Variants in NAV2 observed in about 807,000 individuals in gnomAD.
The protein encoded by NAV2 is helicase, APC down-regulated 1.
NAV2 carries 54 observed loss-of-function variants against 223.2 expected under a neutral mutation model. The observed-to-expected ratio is 0.24, with a 90% CI of 0.19 to 0.30. The LOEUF is 0.30. NAV2 is among the 10% of genes least tolerant of loss of function. NAV2 has a pLI of 1.00. For missense variants in NAV2, 2,806 were observed against 3,147.5 expected, an observed-to-expected ratio of 0.89 and a Z score of 2.60; for synonymous variants, 1,279 against 1,239.3, an observed-to-expected ratio of 1.03 and a Z score of -0.67.
intron 1 of NAV2, among the ~76,000 whole-genome samples, chr11:19,361,782 T>G (rs574671161): frequency 3.9e-5 from 6 of 152,314 alleles, no homozygotes; most frequent in Admixed American, 1.3e-4. Context: ...GCCCTTTGCC[T>G]ACGGTAATTG....
chr11:19,481,749 CA>C (rs1156448112), intron 1 of NAV2, among the ~76,000 whole-genome samples: 2 of 152,166 alleles, frequency 1.3e-5, no homozygotes, highest in Non-Finnish European at 1.5e-5. Context: ...TTGAGATACA[CA>C]AAAAATATAC....
intron 7 of NAV2, among the ~76,000 whole-genome samples, chr11:19,936,352 G>A (rs779897406): frequency 1.3e-5 from 2 of 151,692 alleles, no homozygotes; most frequent in African/African-American, 2.4e-5. Context: ...TTTTTTTGTT[G>A]TTCGCTATAA....
chr11:19,400,931 C>G (rs1849658263), intron 1 of NAV2, among the ~76,000 whole-genome samples: 1 of 144,242 alleles, frequency 6.9e-6, no homozygotes, highest in Admixed American at 7.0e-5. Context: ...TAGGGGTGAG[C>G]CGGGAGTCTT....
At chr11:19,590,580 G>GTTT (rs2046031740) in intron 1 of NAV2, among the ~76,000 whole-genome samples, 1 of 152,078 alleles carries the variant, frequency 6.6e-6, no homozygotes, top group African/African-American at 2.4e-5. Context: ...TTTATATCTG[G>GTTT]AAAAGCTGTC....
chr11:19,950,499 C>A (rs771124994), intron 10 of NAV2, among the ~76,000 whole-genome samples: 1 of 152,250 alleles, frequency 6.6e-6, no homozygotes, highest in Admixed American at 6.5e-5. Context: ...TGAAATACTA[C>A]AACTACTAGA....
intron 6 of NAV2, among the ~76,000 whole-genome samples, chr11:19,914,781 T>C (rs1164250681): frequency 6.6e-6 from 1 of 151,768 alleles, no homozygotes; most frequent in Non-Finnish European, 1.5e-5. Flanking sequence ...CCTGACCTCA[T>C]GATCCACCCG....
intron 1 of NAV2, among the ~76,000 whole-genome samples, chr11:19,723,755 C>A (rs1057413027): frequency 3.3e-5 from 5 of 152,254 alleles, no homozygotes; most frequent in Non-Finnish European, 5.9e-5. Context: ...GCCGGCCCAG[C>A]AGGGTCCATG....
intron 1 of NAV2, among the ~76,000 whole-genome samples, chr11:19,656,362 G>T (rs1483091048): frequency 6.6e-6 from 1 of 152,164 alleles, no homozygotes; most frequent in African/African-American, 2.4e-5. Flanking sequence ...CATTCATCTG[G>T]CAGAAGGGCC....
At position 19,731,479 on chromosome 11, in the gene NAV2, T is replaced by A. The variant is rs1447890131; in HGVS notation, c.267+17517T>A. Reference sequence around the variant, plus strand: ...GCTCTCAAAAGAGCTTACAGGCTAGTAGGGGAGAGAGGCATTTGAACAAAA... The same window carrying A: ...GCTCTCAAAAGAGCTTACAGGCTAGAAGGGGAGAGAGGCATTTGAACAAAA... On this transcript the variant is annotated intron_variant, in intron 1 of 37. Coordinates refer to ENST00000349880, the MANE Select transcript of NAV2 (RefSeq NM_145117.5). Among the ~76,000 whole-genome samples, 3 of 152,326 alleles carry A rather than the reference T, an allele frequency of 2.0e-5. No individual in the cohort carries two copies. The East Asian group carries it at 5.8e-4, about 29-fold the overall frequency.
chr11:20,107,038 C>G (rs986221039), intron 35 of NAV2, among the ~76,000 whole-genome samples: 1 of 124,950 alleles, frequency 8.0e-6, no homozygotes, highest in African/African-American at 3.2e-5. Context: ...TTCTTTTGGA[C>G]TTGCAGTCAT....
intron 1 of NAV2, among the ~76,000 whole-genome samples, chr11:19,563,084 T>C (rs2045154303): frequency 6.6e-6 from 1 of 152,224 alleles, no homozygotes; most frequent in Non-Finnish European, 1.5e-5. Flanking sequence ...TCAGTTTGAT[T>C]GCTATGAGAG....
intron 1 of NAV2, among the ~76,000 whole-genome samples, chr11:19,571,599 G>A (rs187433011): frequency 6.8e-4 from 104 of 152,186 alleles, no homozygotes; most frequent in Middle Eastern, 3.4e-3. Flanking sequence ...CCAGCTACTC[G>A]GGAGGCTGAG....
intron 1 of NAV2, among the ~76,000 whole-genome samples, chr11:19,736,831 G>T (rs2052348232): frequency 6.6e-6 from 1 of 152,166 alleles, no homozygotes; most frequent in South Asian, 2.1e-4. Flanking sequence ...TTAGTGGTGG[G>T]GTCTTCCTTT....
chr11:20,072,118 G>C (rs1476391729), intron 22 of NAV2, among the ~76,000 whole-genome samples: 1 of 152,152 alleles, frequency 6.6e-6, no homozygotes, highest in Non-Finnish European at 1.5e-5. Context: ...TTTTGTATGA[G>C]GTGTAAGGAA....
In NAV2 at chr11:19,910,435, G is replaced by C. The variant is rs538266200; in HGVS notation, c.931+17841G>C. On this transcript the variant is annotated intron_variant, in intron 6 of 37. Transcript: ENST00000349880. ...GTGGAAGCTTAGGGACTGGGAGAAGGTAGGCAAGGAGAGTTCATATAGAAT... is the reference window on the plus strand; with the variant it reads ...GTGGAAGCTTAGGGACTGGGAGAAGCTAGGCAAGGAGAGTTCATATAGAAT... Among the ~76,000 whole-genome samples the C allele has an allele frequency of 9.4e-3, 1,432 of 152,298 alleles. 31 individuals are homozygous for C. Among genetic ancestry groups the C allele is most frequent in the African/African-American group, 0.033 (1,386 of 41,554 alleles).
At chr11:19,749,235 A>T (rs2053608136) in intron 1 of NAV2, among the ~76,000 whole-genome samples, 1 of 152,150 alleles carries the variant, frequency 6.6e-6, no homozygotes, top group South Asian at 2.1e-4. Flanking sequence ...CTGATTTCTT[A>T]GGCCTGGGAC....
chr11:19,366,642 A>C (rs1356320944), intron 1 of NAV2, among the ~76,000 whole-genome samples: 1 of 152,124 alleles, frequency 6.6e-6, no homozygotes, highest in East Asian at 1.9e-4. Context: ...CCTGGATCCA[A>C]CTCTTACAGT....
At chr11:19,958,392 A>G (rs997108586) in intron 10 of NAV2, among the ~76,000 whole-genome samples, 1 of 152,224 alleles carries the variant, frequency 6.6e-6, no homozygotes, top group Admixed American at 6.5e-5. Context: ...GCAACAGGGC[A>G]CTGTGTAGGT....
chr11:19,509,313 G>A (rs2043207220), intron 1 of NAV2, among the ~76,000 whole-genome samples: 1 of 152,148 alleles, frequency 6.6e-6, no homozygotes, highest in Non-Finnish European at 1.5e-5. Flanking sequence ...GCGCATGCAA[G>A]TGCACAAAAT....
Sources: allele counts gnomAD v4.1 joint callset (sites outside exome capture counted in the v4.1 genomes callset), GRCh38; gene constraint gnomAD v4.1.1; transcripts MANE v1.5; gene names NCBI Gene and HGNC (gene_info 2026-07-23, HGNC 2026-07-21).